The following ZNF618 variants were observed in gnomAD, a reference collection of about 807,000 sequenced individuals.
ZNF618 encodes the protein neural precursor cell expressed, developmentally down-regulated 10.
A neutral mutation model predicts 103.0 loss-of-function variants in ZNF618; 34 were observed. The observed-to-expected ratio is 0.33, with a 90% CI of 0.25 to 0.44. ZNF618 has a LOEUF of 0.44. ZNF618 is among the 20% of genes least tolerant of loss of function. ZNF618 has a pLI of 1.00. For missense variants in ZNF618, 1,059 were observed against 1,295.4 expected, an observed-to-expected ratio of 0.82 and a Z score of 2.80; for synonymous variants, 551 against 542.2, an observed-to-expected ratio of 1.02 and a Z score of -0.23.
intron 6 of ZNF618, 38 bp downstream of exon 6, chr9:114,002,700 G>A (rs376938040): frequency 1.4e-5 from 22 of 1,606,366 alleles, no homozygotes; most frequent in Non-Finnish European, 1.7e-5. Context: ...GCTGAGGGGC[G>A]AGGGCTTGGG....
chr9:114,038,225 G>A (rs148997531), intron 13 of ZNF618, among the ~76,000 whole-genome samples: 2 of 152,284 alleles, frequency 1.3e-5, no homozygotes, highest in Admixed American at 6.5e-5. Flanking sequence ...CTCTGCCTGC[G>A]CCCTGCCAGC....
intron 1 of ZNF618, among the ~76,000 whole-genome samples, chr9:113,904,175 A>G (rs1233618542): frequency 1.5e-5 from 2 of 136,814 alleles, no homozygotes; most frequent in African/African-American, 5.4e-5. Context: ...TTAATATCTA[A>G]CCTCTTCTTT....
At chr9:114,015,981 G>A in intron 9 of ZNF618, 2 of 746,730 alleles carry the variant, frequency 2.7e-6, no homozygotes, top group Admixed American at 4.9e-5. Flanking sequence ...ACAGAATGAA[G>A]AGTGGGGACC....
At chr9:114,030,867 G>A (rs142626831) in intron 11 of ZNF618, 33 of 152,316 alleles carry the variant, frequency 2.2e-4, no homozygotes, top group African/African-American at 7.9e-4. Context: ...CAGTGTAAGA[G>A]TTTGCAGCCT....
intron 13 of ZNF618, among the ~76,000 whole-genome samples, chr9:114,042,568 C>A (rs1015417319): frequency 6.6e-6 from 1 of 152,150 alleles, no homozygotes; most frequent in African/African-American, 2.4e-5. Context: ...GTGGTTCACA[C>A]CTGTAATCCC....
intron 6 of ZNF618, 137 bp downstream of exon 6, chr9:114,002,799 G>C: frequency 1.1e-6 from 1 of 943,596 alleles, no homozygotes; most frequent in Non-Finnish European, 1.6e-6. Context: ...AAGCTTGGGG[G>C]CCAGACCATC....
intron 1 of ZNF618, 58 bp downstream of exon 1, chr9:113,876,471 G>A: frequency 8.7e-7 from 1 of 1,153,728 alleles, no homozygotes; most frequent in Non-Finnish European, 1.1e-6. Flanking sequence ...GCCGGGGCCC[G>A]GGGCGCTGCG....
intron 3 of ZNF618, among the ~76,000 whole-genome samples, chr9:113,988,857 A>C (rs1370857920): frequency 1.3e-5 from 2 of 152,202 alleles, no homozygotes; most frequent in Non-Finnish European, 2.9e-5. Context: ...CCGGGGGCCC[A>C]GTGAATCCCT....
intron 1 of ZNF618, among the ~76,000 whole-genome samples, chr9:113,936,750 T>C (rs1834059475): frequency 6.6e-6 from 1 of 152,250 alleles, no homozygotes; most frequent in Non-Finnish European, 1.5e-5. Flanking sequence ...CTTTCTGTTT[T>C]TTGAAGATGC....
chr9:113,984,724 C>G (rs1839299255), intron 2 of ZNF618, among the ~76,000 whole-genome samples: 1 of 152,236 alleles, frequency 6.6e-6, no homozygotes, highest in Non-Finnish European at 1.5e-5. Flanking sequence ...CCTTCCATCT[C>G]TTTGCCTACT....
intron 1 of ZNF618, among the ~76,000 whole-genome samples, chr9:113,962,889 C>G (rs1281493699): frequency 6.6e-6 from 1 of 152,190 alleles, no homozygotes; most frequent in African/African-American, 2.4e-5. Flanking sequence ...ATGTTAGCGT[C>G]TCCCCCCACT....
intron 10 of ZNF618, among the ~76,000 whole-genome samples, chr9:114,019,645 G>A (rs1051213031): frequency 2.6e-5 from 4 of 152,188 alleles, no homozygotes; most frequent in Non-Finnish European, 5.9e-5. Flanking sequence ...TTTTACTTTG[G>A]AAATTGTCTC....
At chr9:113,946,157 G>A (rs528189537) in intron 1 of ZNF618, among the ~76,000 whole-genome samples, 9 of 152,334 alleles carry the variant, frequency 5.9e-5, no homozygotes, top group South Asian at 2.1e-4. Flanking sequence ...GGCGCTCTGC[G>A]GAGCCCCCTG....
intron 1 of ZNF618, among the ~76,000 whole-genome samples, chr9:113,883,450 GTCT>G (rs547540916): frequency 6.0e-4 from 91 of 152,300 alleles, no homozygotes; most frequent in Middle Eastern, 3.4e-3. Context: ...TTTATGCCTG[GTCT>G]TCTTAGCCAG....
chr9:114,007,677 C>T (rs1227942079), intron 7 of ZNF618, among the ~76,000 whole-genome samples: 1 of 152,130 alleles, frequency 6.6e-6, no homozygotes, highest in African/African-American at 2.4e-5. Context: ...TTTTATAGGT[C>T]AAAATCAGTA....
chr9:113,979,311 C>T (rs759174711), intron 2 of ZNF618, among the ~76,000 whole-genome samples: 1 of 152,172 alleles, frequency 6.6e-6, no homozygotes, highest in Admixed American at 6.5e-5. Flanking sequence ...GATGGCGACC[C>T]TGCACCCTCA....
chr9:113,947,162 G>A (rs558871174), intron 1 of ZNF618, among the ~76,000 whole-genome samples: 46 of 152,244 alleles, frequency 3.0e-4, no homozygotes, highest in African/African-American at 1.0e-3. Flanking sequence ...TGGTGCTCTC[G>A]ACAAAGAATC....
intron 1 of ZNF618, among the ~76,000 whole-genome samples, chr9:113,892,147 A>G (rs1242706102): frequency 6.6e-6 from 1 of 152,214 alleles, no homozygotes; most frequent in Non-Finnish European, 1.5e-5. Context: ...GTTGCACGAC[A>G]GTGTGAACAT....
At chr9:113,893,433 T>C (rs1274811861) in intron 1 of ZNF618, among the ~76,000 whole-genome samples, 2 of 152,158 alleles carry the variant, frequency 1.3e-5, no homozygotes, top group African/African-American at 4.8e-5. Context: ...TATAGAGAAA[T>C]CAGAAAATAA....
Sources: allele counts gnomAD v4.1 joint callset (sites outside exome capture counted in the v4.1 genomes callset), GRCh38; gene constraint gnomAD v4.1.1; transcripts MANE v1.5; gene names NCBI Gene and HGNC (gene_info 2026-07-23, HGNC 2026-07-21).